Variants in ZNF335 observed in about 807,000 individuals in gnomAD.
ZNF335 encodes NRC-interacting factor 1.
A neutral mutation model predicts 145.6 loss-of-function variants in ZNF335; 84 were observed. That is an observed-to-expected ratio of 0.58 (90% CI 0.48 to 0.69). The LOEUF is 0.69. ZNF335 is among the 30% of genes least tolerant of loss of function. The pLI is 0.00. For missense variants in ZNF335, 1,865 were observed against 1,809.7 expected, an observed-to-expected ratio of 1.03 and a Z score of -0.55; for synonymous variants, 761 against 717.0, an observed-to-expected ratio of 1.06 and a Z score of -0.98.
In ZNF335 at chr20:45,965,637, G is replaced by A; in HGVS notation, c.1093C>T (p.Leu365Phe). The change falls in exon 7 of 28, where the codon CTC (leucine) becomes TTC (phenylalanine). Residue 365 changes from leucine (L) to phenylalanine (F), a missense_variant. By Grantham distance (22) the Leu-to-Phe change is conservative (BLOSUM62 0). Coordinates refer to ENST00000322927, the MANE Select transcript of ZNF335 (RefSeq NM_022095.4). ...CAAGACCAAGCCTCACCATCTGGGAGGTCTGAGATCTCCAGGCGGGGCAGC... is the reference window on the plus strand; with the variant it reads ...CAAGACCAAGCCTCACCATCTGGGAAGTCTGAGATCTCCAGGCGGGGCAGC... ...RKLPRLEISD[L>F]PDGVEGEPLV... 1 of 1,599,542 alleles carries A rather than the reference G, an allele frequency of 6.3e-7. No homozygotes were observed. The highest frequency in any genetic ancestry group is 8.5e-7 in the Non-Finnish European group (1 of 1,174,184).
Position 45,969,693 on chromosome 20 carries a change from T to C in ZNF335, c.202-2A>G. The stretch of plus-strand genomic sequence containing the variant: ...CGAGCTGCTCTCAGATACCTCCTCC[T>C]GAGGGGCATGAAACAGGGAGGGAAA... On this transcript the variant is annotated splice_acceptor_variant, in intron 2 of 27. Coordinates refer to ENST00000322927, the MANE Select transcript of ZNF335 (RefSeq NM_022095.4). LOFTEE classifies it high-confidence loss of function. 1.2e-6 allele frequency: 2 copies of C among 1,610,488 alleles called. No individual in the cohort carries two copies. Among genetic ancestry groups the C allele is most frequent in the Non-Finnish European group, 8.5e-7 (1 of 1,178,716 alleles).
At chr20:45,968,136 C>G (rs975817336) in intron 4 of ZNF335, 109 bp from the exon 5 acceptor site, 6 of 1,522,812 alleles carry the variant, frequency 3.9e-6, no homozygotes, top group Non-Finnish European at 5.4e-6. Flanking sequence ...CCAAATTCCC[C>G]ACCAGAGGCC....
chr20:45,967,277 A>G, intron 6 of ZNF335: 1 of 639,562 alleles, frequency 1.6e-6, no homozygotes, highest in East Asian at 2.8e-5. Context: ...CTGTGGGGCA[A>G]ATGTGAACAG....
intron 3 of ZNF335, 112 bp downstream of exon 3, chr20:45,969,339 T>G: frequency 4.6e-6 from 6 of 1,314,962 alleles, no homozygotes; most frequent in Non-Finnish European, 4.9e-6. Flanking sequence ...GTTCCCACTC[T>G]GCACATTCCA....
At chr20:45,956,041 T>TC (rs2083722907) in intron 17 of ZNF335, among the ~76,000 whole-genome samples, 1 of 152,042 alleles carries the variant, frequency 6.6e-6, no homozygotes, top group South Asian at 2.1e-4. Context: ...AGGTAAAAGA[T>TC]GACGCTGAGG....
At chr20:45,962,518 G>A (rs1001146739) in intron 9 of ZNF335, among the ~76,000 whole-genome samples, 1 of 152,198 alleles carries the variant, frequency 6.6e-6, no homozygotes, top group Non-Finnish European at 1.5e-5. Flanking sequence ...ACTGCGTCAC[G>A]AGACATCTTC....
intron 24 of ZNF335, 79 bp downstream of exon 24, chr20:45,949,721 G>GTATCATTCCTCCCCT: frequency 6.4e-7 from 1 of 1,555,254 alleles, no homozygotes. Flanking sequence ...GGTTTGGAAA[G>GTATCATTCCTCCCCT]TATCATTCCT....
intron 2 of ZNF335, chr20:45,970,147 C>G (rs2084032955): frequency 6.4e-6 from 1 of 156,482 alleles, no homozygotes; most frequent in Admixed American, 6.3e-5. Context: ...GTCCCCAGCA[C>G]CACACCACTG....
Position 45,960,886 on chromosome 20 carries a change from T to C in ZNF335, c.1647-4A>G, listed in dbSNP as rs763529438. 9 of 1,613,542 alleles carry C rather than the reference T, an allele frequency of 5.6e-6. No homozygotes were observed. The highest frequency in any genetic ancestry group is 7.6e-6 in the Non-Finnish European group (9 of 1,179,884). ...CACCGGATCTGGCCTCTTCTTCCTG[T>C]GGGGAAAAGGCCGAGGAATTAGACC... On this transcript the variant is annotated splice_region_variant and splice_polypyrimidine_tract_variant and intron_variant, in intron 10 of 27. Transcript: ENST00000322927.
intron 15 of ZNF335, 32 bp from the exon 16 acceptor site, chr20:45,957,960 G>A (rs760783505): frequency 1.9e-6 from 3 of 1,587,378 alleles, no homozygotes; most frequent in African/African-American, 2.7e-5. Flanking sequence ...ACGCCTGAGA[G>A]GGGCCAGCCC....
At chr20:45,951,895 CCTG>C (rs1206839412) in intron 20 of ZNF335, among the ~76,000 whole-genome samples, 1 of 152,236 alleles carries the variant, frequency 6.6e-6, no homozygotes, top group Non-Finnish European at 1.5e-5. Flanking sequence ...GTTCAAATGA[CCTG>C]CTCTGTGTCC....
At chr20:45,951,830 T>G (rs2083638156) in intron 20 of ZNF335, among the ~76,000 whole-genome samples, 1 of 152,184 alleles carries the variant, frequency 6.6e-6, no homozygotes, top group Non-Finnish European at 1.5e-5. Context: ...GTGCCTTTGC[T>G]CCTAGAGGCC....
intron 6 of ZNF335, 95 bp from the exon 7 acceptor site, chr20:45,965,869 C>T (rs2083943581): frequency 7.2e-7 from 1 of 1,397,418 alleles, no homozygotes; most frequent in Non-Finnish European, 9.5e-7. Context: ...CCCCTGCATA[C>T]TCCTCCTCCA....
At chr20:45,967,215 T>G in intron 6 of ZNF335, 1 of 466,474 alleles carries the variant, frequency 2.1e-6, no homozygotes, top group East Asian at 3.9e-5. Flanking sequence ...TACACTCCAG[T>G]CTGAGCAACA....
Position 45,948,740 on chromosome 20 carries a change from AGCCT to A in ZNF335, c.*209_*212del. On this transcript the variant is annotated 3_prime_UTR_variant, in exon 28 of 28. Transcript: ENST00000322927. ...AAACAAAAATAAATTTCTCTCCCAA[AGCCT>A]GCCTGCAGGCTGGGGCACCCAGCAT... The A allele has an allele frequency of 1.5e-6, 1 of 650,696 alleles. No individual in the cohort carries two copies. The allele number at this position is 650,696 out of a possible 1,614,324, so 40.3% of individuals were successfully genotyped here.
rs3746504 is a variant in ZNF335, at chr20:45,952,709, G to A, written c.2703C>T (p.Ser901=). 0.018 allele frequency: 29,048 copies of A among 1,613,314 alleles called. 1,852 individuals are homozygous for A. The East Asian group carries it at 0.22, about 12-fold the overall frequency. The change falls in exon 19 of 28, where the codon AGC becomes AGT. Residue 901 remains serine, a splice_region_variant and synonymous_variant. Coordinates refer to ENST00000322927, the MANE Select transcript of ZNF335 (RefSeq NM_022095.4). ...GGGCTGCCTCTCCTGCGGGCTCCTC[G>A]CTGTGGGCATGGAGAAGGTTCTAGG... ...EGTSAPGTPY[S]EEPAGEAAQA...
chr20:45,957,779 C>T, intron 16 of ZNF335, 56 bp downstream of exon 16: 1 of 1,607,626 alleles, frequency 6.2e-7, no homozygotes, highest in Non-Finnish European at 8.5e-7. Flanking sequence ...CGACCTGCCC[C>T]TGCCCAACTC....
chr20:45,963,564 C>A lies in ZNF335; in HGVS notation c.1442G>T (p.Arg481Leu). ...AGCCTCATGGGAGTTGACGTGGAAGCGCAGGTCCTCGTGGGACAGAAAGCG... is the reference window on the plus strand; with the variant it reads ...AGCCTCATGGGAGTTGACGTGGAAGAGCAGGTCCTCGTGGGACAGAAAGCG... ...GSRFLSHEDL[R>L]FHVNSHEAGD... Residue 481 changes from arginine to leucine, a missense_variant, in exon 9 of 28, where the codon CGC (arginine) becomes CTC (leucine). Arg to Leu is a moderately radical substitution (Grantham distance 102). Transcript: ENST00000322927. 6.2e-7 allele frequency: 1 copy of A among 1,614,188 alleles called. No individual in the cohort carries two copies. The highest frequency in any genetic ancestry group is 1.1e-5 in the South Asian group (1 of 91,084).
chr20:45,960,524 C>T lies in ZNF335; in HGVS notation c.1784G>A (p.Cys595Tyr), dbSNP rs2083820541. 1.2e-6 allele frequency: 2 copies of T among 1,614,076 alleles called. No individual in the cohort carries two copies. The highest frequency in any genetic ancestry group is 2.2e-5 in the South Asian group (2 of 91,090). The change falls in exon 13 of 28, where the codon TGT becomes TAT. Residue 595 changes from cysteine to tyrosine, a missense_variant and splice_region_variant. By Grantham distance (194) the Cys-to-Tyr change is radical. Transcript: ENST00000322927. ...GTAGCGCTTCTTAAAGGACTTTCCA[C>T]ACTGTGAGGGGTGGAGAGCAGTGAG... ...STEKPHMCDKCGKSFKKRYTF... is the reference protein window; with the variant it reads ...STEKPHMCDKYGKSFKKRYTF...
Sources: gnomAD v4.1 joint callset for allele counts (sites outside exome capture counted in the v4.1 genomes callset) on GRCh38, gnomAD v4.1.1 for gene constraint, MANE v1.5 for transcripts, NCBI Gene and HGNC (gene_info 2026-07-23, HGNC 2026-07-21) for gene names.